The following HIVEP2 variants were observed in gnomAD, a reference collection of about 807,000 sequenced individuals.
HIVEP2 encodes the protein transcription factor HIVEP2.
HIVEP2 carries 14 observed loss-of-function variants against 180.7 expected under a neutral mutation model. That is an observed-to-expected ratio of 0.08 (90% CI 0.05 to 0.12). The LOEUF is 0.12. HIVEP2 is among the 10% of genes least tolerant of loss of function. The pLI is 1.00. For missense variants in HIVEP2, 2,579 were observed against 3,008.5 expected (o/e 0.86, Z 3.34); for synonymous variants, 1,184 against 1,136.4 (o/e 1.04, Z -0.84).
chr6:142,921,169 A>C (rs1777674100), intron 1 of HIVEP2, among the ~76,000 whole-genome samples: 1 of 152,208 alleles, frequency 6.6e-6, no homozygotes, highest in Admixed American at 6.5e-5. Context: ...CAAGATATTT[A>C]ACTTCTCTGC....
rs183742446 is a variant in HIVEP2 at position 142,935,295 on chromosome 6, C to T, written c.-641+9804G>A. Among the ~76,000 whole-genome samples the T allele has an allele frequency of 2.3e-3, 349 of 152,298 alleles. 1 individual carries two copies. Among genetic ancestry groups the T allele is most frequent in the African/African-American group, 6.4e-3 (267 of 41,560 alleles). On this transcript the variant is annotated intron_variant, in intron 1 of 9. Coordinates refer to ENST00000367603, the MANE Select transcript of HIVEP2 (RefSeq NM_006734.4). ...GGGTGCAGTGGCTCATGCCTGTAAT[C>T]CCCGCACTTTGGGAGGCTAAGGCGG...
chr6:142,937,753 C>A (rs553195518), intron 1 of HIVEP2, among the ~76,000 whole-genome samples: 73 of 152,346 alleles, frequency 4.8e-4, no homozygotes, highest in African/African-American at 1.7e-3. Flanking sequence ...AATCCTGCTT[C>A]ACCAATGACT....
rs753164343 is a variant in HIVEP2, at chr6:142,773,482, C to T, written c.1257G>A (p.Lys419=). The change falls in exon 5 of 10, where the codon AAG becomes AAA. Residue 419 remains lysine, a synonymous_variant. Coordinates refer to ENST00000367603, the MANE Select transcript of HIVEP2 (RefSeq NM_006734.4). The stretch of plus-strand genomic sequence containing the variant: ...TTCCAAAGATGATTTCTTCATAAGA[C>T]TTTGCATTTGTGTTGGGAGGGCTTA... ...QQISPPNTNA[K]SYEEIIFGKY... 13 of 1,614,202 alleles carry T rather than the reference C, an allele frequency of 8.1e-6. No homozygotes were observed. The highest frequency in any genetic ancestry group is 1.0e-5 in the Non-Finnish European group (12 of 1,180,024).
intron 2 of HIVEP2, among the ~76,000 whole-genome samples, chr6:142,784,073 CA>C (rs1272006349): frequency 1.3e-5 from 2 of 152,098 alleles, no homozygotes; most frequent in Middle Eastern, 3.2e-3. Flanking sequence ...AATAGGAATC[CA>C]AACCCAACCA....
At chr6:142,852,602 C>A (rs375043296) in intron 1 of HIVEP2, among the ~76,000 whole-genome samples, 3 of 152,120 alleles carry the variant, frequency 2.0e-5, no homozygotes, top group African/African-American at 4.8e-5. Context: ...TTAAATCCAC[C>A]ACAGATATAC....
intron 1 of HIVEP2, among the ~76,000 whole-genome samples, chr6:142,874,038 A>G (rs2128413029): frequency 6.6e-6 from 1 of 152,320 alleles, no homozygotes; most frequent in South Asian, 2.1e-4. Context: ...GCCATTTGCT[A>G]TTAAAAGAAC....
intron 2 of HIVEP2, among the ~76,000 whole-genome samples, chr6:142,814,852 G>A (rs1389191057): frequency 6.6e-6 from 1 of 152,076 alleles, no homozygotes; most frequent in East Asian, 1.9e-4. Context: ...CAAAGTATAT[G>A]GAGTAACAAG....
chr6:142,753,683 C>G lies in HIVEP2; in HGVS notation c.6765G>C (p.Leu2255=). ...TCTTCTCCTCAAAGCCCTCCATTGG[C>G]AGGGGCAATGTGGGTGAAGGATGTA... ...SSLHPSPTLP[L]PMEGFEEKKG... The change falls in exon 10 of 10, where the codon CTG becomes CTC. Residue 2255 remains leucine, a synonymous_variant. Transcript: ENST00000367603. 1.2e-6 allele frequency: 2 copies of G among 1,614,144 alleles called. No homozygotes were observed. Among genetic ancestry groups the G allele is most frequent in the Non-Finnish European group, 1.7e-6 (2 of 1,180,002 alleles).
chr6:142,848,222 A>G (rs1775564090), intron 1 of HIVEP2, among the ~76,000 whole-genome samples: 2 of 152,232 alleles, frequency 1.3e-5, no homozygotes, highest in Non-Finnish European at 2.9e-5. Flanking sequence ...GAGATAACTT[A>G]AAGTGGTATG....
intron 1 of HIVEP2, among the ~76,000 whole-genome samples, chr6:142,869,015 G>T (rs890090612): frequency 6.6e-6 from 1 of 152,080 alleles, no homozygotes; most frequent in Non-Finnish European, 1.5e-5. Context: ...AGTGGTTCTC[G>T]GCCAAGGGTG....
intron 1 of HIVEP2, among the ~76,000 whole-genome samples, chr6:142,895,813 G>T (rs777366231): frequency 6.6e-5 from 10 of 152,104 alleles, no homozygotes; most frequent in Non-Finnish European, 8.8e-5. Context: ...CAAAGATAAT[G>T]AATGGCTTAG....
chr6:142,881,906 A>G (rs931878323), intron 1 of HIVEP2, among the ~76,000 whole-genome samples: 3 of 152,204 alleles, frequency 2.0e-5, no homozygotes, highest in African/African-American at 7.2e-5. Context: ...GGATCTACAC[A>G]TCAGTTACTG....
At chr6:142,768,634 T>C in intron 5 of HIVEP2, 98 bp from the exon 6 acceptor site, 3 of 1,250,976 alleles carry the variant, frequency 2.4e-6, no homozygotes, top group Non-Finnish European at 3.4e-6. Context: ...TGAGCCTAAA[T>C]TCTGTACTAA....
At chr6:142,885,017 T>C (rs1455553391) in intron 1 of HIVEP2, among the ~76,000 whole-genome samples, 1 of 152,144 alleles carries the variant, frequency 6.6e-6, no homozygotes, top group African/African-American at 2.4e-5. Context: ...TACATAGCAC[T>C]AGGAATGCTG....
intron 1 of HIVEP2, among the ~76,000 whole-genome samples, chr6:142,870,178 G>A (rs1021157338): frequency 1.3e-5 from 2 of 151,964 alleles, no homozygotes; most frequent in African/African-American, 4.8e-5. Context: ...CAGCACCAAA[G>A]GTTATTATTG....
intron 1 of HIVEP2, among the ~76,000 whole-genome samples, chr6:142,910,879 G>A (rs1238639286): frequency 6.6e-6 from 1 of 152,052 alleles, no homozygotes; most frequent in African/African-American, 2.4e-5. Flanking sequence ...ATTTTTTAAC[G>A]CTCCTTGAAA....
Position 142,770,935 on chromosome 6 carries a change from A to G in HIVEP2, c.3804T>C (p.Pro1268=). The G allele has an allele frequency of 6.2e-7, 1 of 1,614,214 alleles. No individual in the cohort carries two copies. Among genetic ancestry groups the G allele is most frequent in the Non-Finnish European group, 8.5e-7 (1 of 1,180,032 alleles). The change falls in exon 5 of 10, where the codon CCT becomes CCC. Residue 1268 remains proline, a synonymous_variant. Transcript: ENST00000367603. The surrounding 1 kb of genome is among the most constrained non-coding windows in gnomAD (Gnocchi z 4.7). ...GCTCTTTCGTGTGTGCATACTCAGC[A>G]GGTTTCTTTCCAGTGTGCTCTGCCA... ...EHVAEHTGKK[P]AEYAHTKEQT... is the part of the protein sequence containing the mutation.
chr6:142,903,840 T>C (rs765182233), intron 1 of HIVEP2, among the ~76,000 whole-genome samples: 5 of 151,996 alleles, frequency 3.3e-5, no homozygotes, highest in Non-Finnish European at 5.9e-5. Flanking sequence ...TTGCTAATGA[T>C]TGCACCAAAA....
intron 1 of HIVEP2, among the ~76,000 whole-genome samples, chr6:142,907,118 T>C (rs1450040678): frequency 6.6e-6 from 1 of 152,222 alleles, no homozygotes; most frequent in Non-Finnish European, 1.5e-5. Context: ...GTCCGTAGCA[T>C]ATTCATACTC....
Sources: gnomAD v4.1 joint callset for allele counts (sites outside exome capture counted in the v4.1 genomes callset) on GRCh38, gnomAD v4.1.1 for gene constraint, Gnocchi (gnomAD v3.1) non-coding constraint, MANE v1.5 for transcripts, NCBI Gene and HGNC (gene_info 2026-07-23, HGNC 2026-07-21) for gene names.